Variants in RAD51B observed in about 807,000 individuals in gnomAD.
RAD51B encodes RAD51 paralog B.
In RAD51B, 38 loss-of-function variants were observed where a neutral mutation model predicts 42.2. That is an observed-to-expected ratio of 0.90 (90% confidence interval 0.70 to 1.18). The LOEUF is 1.18. RAD51B is among the 50% of genes most tolerant of loss of function. The probability of loss-of-function intolerance (pLI) is 0.00; values close to 1 mark genes in which losing one functional copy is unlikely to be tolerated. For missense variants in RAD51B, 373 were observed against 400.7 expected, an observed-to-expected ratio of 0.93 and a Z score of 0.59; for synonymous variants, 154 against 145.2, an observed-to-expected ratio of 1.06 and a Z score of -0.43.
intron 5 of RAD51B, among the ~76,000 whole-genome samples, chr14:67,877,767 A>G (rs2042773666): frequency 6.6e-6 from 1 of 152,166 alleles, no homozygotes; most frequent in South Asian, 2.1e-4. Context: ...GGTACAAGGG[A>G]TCCCCTTGCT....
At chr14:68,578,852 C>T (rs1216201546) in intron 10 of RAD51B, among the ~76,000 whole-genome samples, 3 of 152,174 alleles carry the variant, frequency 2.0e-5, no homozygotes, top group Non-Finnish European at 2.9e-5. Flanking sequence ...GTGTGTCATT[C>T]GACCTTCCCA....
intron 8 of RAD51B, among the ~76,000 whole-genome samples, chr14:68,363,728 C>G (rs990553781): frequency 2.0e-5 from 3 of 152,188 alleles, no homozygotes; most frequent in Non-Finnish European, 4.4e-5. Flanking sequence ...GTCTTTCTCC[C>G]GGCGGGGAGT....
At chr14:68,551,498 T>C (rs1022509091) in intron 10 of RAD51B, among the ~76,000 whole-genome samples, 2 of 152,228 alleles carry the variant, frequency 1.3e-5, no homozygotes, top group Non-Finnish European at 2.9e-5. Flanking sequence ...CCTGGCAGGA[T>C]TCCCCCCTTC....
intron 7 of RAD51B, among the ~76,000 whole-genome samples, chr14:68,022,928 T>C (rs968974448): frequency 7.5e-4 from 114 of 152,290 alleles, no homozygotes; most frequent in African/African-American, 2.7e-3. Flanking sequence ...CTGCATTAAT[T>C]TGCTTAGGAT....
At chr14:68,168,192 A>G (rs1010828708) in intron 7 of RAD51B, among the ~76,000 whole-genome samples, 2 of 152,100 alleles carry the variant, frequency 1.3e-5, no homozygotes, top group Non-Finnish European at 2.9e-5. Context: ...CTCTTTATAT[A>G]TGGAATTGTA....
At chr14:68,411,986 C>T (rs2084433287) in intron 9 of RAD51B, among the ~76,000 whole-genome samples, 1 of 152,302 alleles carries the variant, frequency 6.6e-6, no homozygotes, top group East Asian at 1.9e-4. Flanking sequence ...TACATTAACG[C>T]ATACACCTGT....
intron 7 of RAD51B, among the ~76,000 whole-genome samples, chr14:68,026,194 A>G (rs987027985): frequency 2.6e-5 from 4 of 152,078 alleles, no homozygotes; most frequent in African/African-American, 9.7e-5. Flanking sequence ...TTTTTATTGC[A>G]CTGTGGTCCA....
intron 11 of RAD51B, among the ~76,000 whole-genome samples, chr14:68,667,994 G>A (rs551327589): frequency 5.3e-5 from 8 of 152,312 alleles, no homozygotes; most frequent in African/African-American, 1.9e-4. Context: ...TGAGGCAGAT[G>A]TAAAGAAGCA....
chr14:68,052,539 C>G (rs1270909928), intron 7 of RAD51B, among the ~76,000 whole-genome samples: 4 of 152,108 alleles, frequency 2.6e-5, no homozygotes, highest in Non-Finnish European at 5.9e-5. Flanking sequence ...TTCATCATCT[C>G]TAGCCATTTC....
intron 8 of RAD51B, among the ~76,000 whole-genome samples, chr14:68,399,052 A>G (rs894082803): frequency 1.3e-5 from 2 of 152,202 alleles, no homozygotes; most frequent in East Asian, 3.8e-4. Context: ...TCTGATGTAT[A>G]GAAACATATG....
chr14:68,648,338 A>G (rs968155731), intron 10 of RAD51B, among the ~76,000 whole-genome samples: 7 of 144,284 alleles, frequency 4.9e-5, no homozygotes, highest in African/African-American at 1.7e-4. Context: ...GGTGTGTGCA[A>G]GTTGATTTAT....
chr14:68,341,761 C>T (rs1391268482), intron 8 of RAD51B, among the ~76,000 whole-genome samples: 2 of 152,098 alleles, frequency 1.3e-5, no homozygotes, highest in African/African-American at 4.8e-5. Flanking sequence ...GTCCTATTGG[C>T]CCATTAGATC....
At chr14:68,360,156 G>C (rs1026804208) in intron 8 of RAD51B, among the ~76,000 whole-genome samples, 1 of 152,200 alleles carries the variant, frequency 6.6e-6, no homozygotes, top group South Asian at 2.1e-4. Context: ...CCACTCTTCC[G>C]GGCCTTCTCT....
chr14:68,551,870 G>A (rs1403019789), intron 10 of RAD51B, among the ~76,000 whole-genome samples: 1 of 152,184 alleles, frequency 6.6e-6, no homozygotes, highest in Non-Finnish European at 1.5e-5. Context: ...GGTAATAAAT[G>A]ACAGAGCTGC....
intron 7 of RAD51B, among the ~76,000 whole-genome samples, chr14:68,158,219 A>G (rs991866364): frequency 2.0e-5 from 3 of 152,206 alleles, no homozygotes; most frequent in African/African-American, 7.2e-5. Flanking sequence ...TGTCTTAAAT[A>G]TATGAAGTTA....
chr14:67,847,527 T>A (rs1423580808), intron 4 of RAD51B, among the ~76,000 whole-genome samples: 1 of 152,132 alleles, frequency 6.6e-6, no homozygotes, highest in African/African-American at 2.4e-5. Flanking sequence ...CCGCCTTAAT[T>A]TCTTGTTCAC....
intron 11 of RAD51B, among the ~76,000 whole-genome samples, chr14:68,675,308 C>A (rs1893281113): frequency 1.3e-5 from 2 of 152,162 alleles, no homozygotes; most frequent in Non-Finnish European, 2.9e-5. Context: ...ATCCAAGTCT[C>A]CTGAACTTAT....
intron 7 of RAD51B, among the ~76,000 whole-genome samples, chr14:67,952,344 A>G (rs551892748): frequency 3.3e-5 from 5 of 152,316 alleles, no homozygotes; most frequent in South Asian, 2.1e-4. Context: ...AATAAAATCT[A>G]TGTGTGGAAG....
Position 68,637,723 on chromosome 14 carries a change from T to A in RAD51B, c.1037-13058T>A, listed in dbSNP as rs1480231859. Among the ~76,000 whole-genome samples the A allele has an allele frequency of 7.2e-5, 11 of 151,998 alleles. 1 individual carries two copies. The highest frequency in any genetic ancestry group is 1.6e-4 in the Non-Finnish European group (11 of 67,970). On this transcript the variant is annotated intron_variant, in intron 10 of 11. Transcript: ENST00000488612. ...AAGACATAAAGAAGCGTTTCATCAG[T>A]GGGGATGGAAAAGAACCAGGGCTGT...
Sources: allele counts gnomAD v4.1 joint callset (sites outside exome capture counted in the v4.1 genomes callset), GRCh38; gene constraint gnomAD v4.1.1; transcripts MANE v1.5; gene names NCBI Gene and HGNC (gene_info 2026-07-23, HGNC 2026-07-21).